KDM4A: variants seen among roughly 807,000 people sequenced by gnomAD.
KDM4A encodes the protein lysine-specific demethylase 4A.
A neutral mutation model predicts 127.1 loss-of-function variants in KDM4A; 23 were observed. The observed-to-expected ratio is 0.18, with a 90% confidence interval of 0.13 to 0.26. The LOEUF is 0.26. Ranked by LOEUF, KDM4A falls within the 10% of genes least tolerant of loss-of-function variation. The pLI, the probability that KDM4A is intolerant of heterozygous loss-of-function variation, is 1.00. For missense variants in KDM4A, 890 were observed against 1,329.1 expected, an observed-to-expected ratio of 0.67 and a Z score of 5.14; for synonymous variants, 443 against 466.5, an observed-to-expected ratio of 0.95 and a Z score of 0.65.
chr1:43,699,337 T>C (rs1405981906), intron 19 of KDM4A, among the ~76,000 whole-genome samples: 1 of 152,124 alleles, frequency 6.6e-6, no homozygotes, highest in African/African-American at 2.4e-5. Context: ...CTTGAAGCGA[T>C]CCTCACATCT....
At chr1:43,684,439 G>A (rs1212793386) in intron 12 of KDM4A, among the ~76,000 whole-genome samples, 1 of 152,168 alleles carries the variant, frequency 6.6e-6, no homozygotes, top group East Asian at 1.9e-4. Flanking sequence ...GGAGGCAGAG[G>A]TTGCAGTGAG....
intron 3 of KDM4A, among the ~76,000 whole-genome samples, chr1:43,659,932 T>G (rs1225025462): frequency 6.6e-6 from 1 of 152,136 alleles, no homozygotes; most frequent in Non-Finnish European, 1.5e-5. Flanking sequence ...GGGTTTTGGT[T>G]GTCTGTGGAT....
intron 5 of KDM4A, 76 bp from the exon 6 acceptor site, chr1:43,665,620 T>A: frequency 7.1e-7 from 1 of 1,402,032 alleles, no homozygotes; most frequent in East Asian, 2.3e-5. Flanking sequence ...TTCAAGGTGT[T>A]TTGAGAGTGG....
chr1:43,673,943 C>T (rs1473158333), intron 11 of KDM4A, among the ~76,000 whole-genome samples: 3 of 152,178 alleles, frequency 2.0e-5, no homozygotes, highest in Admixed American at 1.3e-4. Context: ...ATATTAAATA[C>T]TTTGTTTATC....
At chr1:43,686,151 G>GTTTTTTTTTTTTTTTTTT (rs35512755) in intron 12 of KDM4A, among the ~76,000 whole-genome samples, 2 of 97,906 alleles carry the variant, frequency 2.0e-5, no homozygotes, top group Non-Finnish European at 3.8e-5. Flanking sequence ...TTTGTTTCTT[G>GTTTTTTTTTTTTTTTTTT]TTTTTTTTTT....
intron 12 of KDM4A, 94 bp downstream of exon 12, chr1:43,683,898 G>A: frequency 7.0e-7 from 1 of 1,421,874 alleles, no homozygotes; most frequent in South Asian, 1.3e-5. Flanking sequence ...AGGGATAAGG[G>A]TGGGCCTGTG....
chr1:43,694,515 C>CAAAAAAA lies in KDM4A; in HGVS notation c.2485-181_2485-175dup, dbSNP rs35419389. 1.0e-4 allele frequency among the ~76,000 whole-genome samples: 11 copies of CAAAAAAA among 107,332 alleles called. No homozygotes were observed. Among genetic ancestry groups the CAAAAAAA allele is most frequent in the African/African-American group, 3.8e-4 (11 of 28,688 alleles). The allele number at this position is 107,332 out of a possible 152,430, so 70.4% of individuals were successfully genotyped here. ...TGGGTGACAGAGCAAGACTCCGTCT[C>CAAAAAAA]AAAAAAAAAAAAAAAAAAATTTCCT... On this transcript the variant is annotated intron_variant, in intron 17 of 21. Transcript: ENST00000372396. The surrounding 1 kb of genome is among the most constrained non-coding windows in gnomAD (Gnocchi z 5.2).
At chr1:43,701,922 T>G (rs972153820) in intron 19 of KDM4A, among the ~76,000 whole-genome samples, 3 of 152,248 alleles carry the variant, frequency 2.0e-5, no homozygotes, top group African/African-American at 7.2e-5. Flanking sequence ...TACTCAATGA[T>G]TAAGATTTAA....
intron 19 of KDM4A, chr1:43,702,575 T>C (rs1179666217): frequency 6.6e-6 from 1 of 152,158 alleles, no homozygotes; most frequent in African/African-American, 2.4e-5. Flanking sequence ...AGACCTTTCA[T>C]TCAGCCAATA....
chr1:43,656,586 C>G (rs1660245978), intron 3 of KDM4A, among the ~76,000 whole-genome samples: 1 of 152,084 alleles, frequency 6.6e-6, no homozygotes, highest in Non-Finnish European at 1.5e-5. Context: ...GATCCTCCTG[C>G]CTTGGCCTCC....
chr1:43,669,156 A>G lies in KDM4A; in HGVS notation c.1220A>G (p.Gln407Arg), dbSNP rs138262164. The G allele has an allele frequency of 2.0e-5, 33 of 1,614,112 alleles. No individual in the cohort carries two copies. The highest frequency in any genetic ancestry group is 4.2e-6 in the Non-Finnish European group (5 of 1,180,046). ...CACCGAGTTTGTCTTGAAATACCACAGGAGGTGAGTCAGAGTGAGCTCTTC... is the reference window on the plus strand; with the variant it reads ...CACCGAGTTTGTCTTGAAATACCACGGGAGGTGAGTCAGAGTGAGCTCTTC... ...KRHRVCLEIP[Q>R]EVSQSELFPK... Residue 407 changes from glutamine to arginine, a missense_variant, in exon 10 of 22, where the codon CAG (glutamine) becomes CGG (arginine). Physicochemically the swap from Gln to Arg is conservative, Grantham distance 43. Coordinates refer to ENST00000372396, the MANE Select transcript of KDM4A (RefSeq NM_014663.3).
At chr1:43,660,856 T>TA (rs1316137504) in intron 4 of KDM4A, among the ~76,000 whole-genome samples, 3 of 152,236 alleles carry the variant, frequency 2.0e-5, no homozygotes, top group African/African-American at 7.2e-5. Context: ...TAACCACTTT[T>TA]ATTGGCTTGA....
chr1:43,658,489 GT>G (rs1311478558), intron 3 of KDM4A, among the ~76,000 whole-genome samples: 2 of 149,458 alleles, frequency 1.3e-5, no homozygotes, highest in African/African-American at 5.0e-5. Context: ...GTGTAAGGCA[GT>G]TACTTAGTCA....
Position 43,704,287 on chromosome 1 carries a change from G to A in KDM4A, c.3112G>A (p.Glu1038Lys). The A allele has an allele frequency of 1.9e-6, 3 of 1,614,068 alleles. No individual in the cohort carries two copies. The highest frequency in any genetic ancestry group is 1.1e-5 in the South Asian group (1 of 91,070). Residue 1038 changes from glutamate (E) to lysine (K), a missense_variant, in exon 22 of 22, where the codon GAA (glutamate) becomes AAA (lysine). This residue lies in a region of KDM4A where 246 missense variants were observed against 418.4 expected (regional missense o/e 0.59). Coordinates refer to ENST00000372396, the MANE Select transcript of KDM4A (RefSeq NM_014663.3). ...TTTCACAGAGAAAGAGGTTAAGCAA[G>A]AAAAGAAACGGCAACGAGTTATCAA... ...EIFTEKEVKQEKKRQRVINSR... is the reference protein window; with the variant it reads ...EIFTEKEVKQKKKRQRVINSR...
At chr1:43,690,112 T>G (rs974107691) in intron 13 of KDM4A, among the ~76,000 whole-genome samples, 1 of 152,246 alleles carries the variant, frequency 6.6e-6, no homozygotes, top group African/African-American at 2.4e-5. Flanking sequence ...ATTTAAGTTC[T>G]TCCTGGAGGG....
chr1:43,703,295 G>T (rs1485776199), intron 19 of KDM4A: 1 of 225,368 alleles, frequency 4.4e-6, no homozygotes, highest in South Asian at 6.8e-5. Flanking sequence ...CTTCATGGCA[G>T]AGCCCTGGAG....
chr1:43,677,511 G>A (rs1003464346), intron 11 of KDM4A, among the ~76,000 whole-genome samples: 8 of 152,112 alleles, frequency 5.3e-5, no homozygotes, highest in Admixed American at 2.0e-4. Context: ...GTTTGTATCA[G>A]GATTAAATCA....
chr1:43,689,478 G>A, intron 13 of KDM4A, among the ~76,000 whole-genome samples: 1 of 152,204 alleles, frequency 6.6e-6, no homozygotes, highest in Non-Finnish European at 1.5e-5. Flanking sequence ...CAGCTGAAAA[G>A]CCAGATCCTC....
intron 11 of KDM4A, among the ~76,000 whole-genome samples, chr1:43,673,718 G>A (rs1048491813): frequency 3.3e-5 from 5 of 151,956 alleles, no homozygotes; most frequent in Non-Finnish European, 1.5e-5. Context: ...CATAAAGGAG[G>A]GCTTTTTCAG....
Sources: allele counts gnomAD v4.1 joint callset (sites outside exome capture counted in the v4.1 genomes callset), GRCh38; gene constraint gnomAD v4.1.1; regional missense constraint gnomAD v4.1.1; non-coding constraint Gnocchi (gnomAD v3.1); transcripts MANE v1.5; gene names NCBI Gene and HGNC (gene_info 2026-07-23, HGNC 2026-07-21).